Variants in RHCE observed in about 807,000 individuals in gnomAD.
RHCE encodes blood group Rh(CE) polypeptide.
Under a neutral mutation model 43.8 loss-of-function variants are expected in RHCE, and 22 were observed. The observed-to-expected ratio is 0.50, with a 90% CI of 0.36 to 0.72. RHCE has a LOEUF of 0.72. Ranked by LOEUF, RHCE falls within the 30% of genes least tolerant of loss-of-function variation. The pLI, the probability that RHCE is intolerant of heterozygous loss-of-function variation, is 0.00. For missense variants in RHCE, 385 were observed against 525.4 expected (o/e 0.73, Z 2.61); for synonymous variants, 156 against 210.7 (o/e 0.74, Z 2.25).
intron 1 of RHCE, among the ~76,000 whole-genome samples, chr1:25,414,245 AGCTGC>A (rs1371136176): frequency 3.3e-5 from 5 of 151,932 alleles, no homozygotes; most frequent in Admixed American, 3.3e-4. Context: ...CCCCTTGGGC[AGCTGC>A]CTCCTCCGGT....
chr1:25,388,179 C>G (rs1421616888), intron 6 of RHCE, among the ~76,000 whole-genome samples: 2 of 143,302 alleles, frequency 1.4e-5, no homozygotes, highest in Non-Finnish European at 3.0e-5. Context: ...CTTCGAAAAT[C>G]TACTCCTTTT....
chr1:25,391,547 T>A (rs115710923), intron 4 of RHCE, among the ~76,000 whole-genome samples: 1 of 151,906 alleles, frequency 6.6e-6, no homozygotes, highest in Non-Finnish European at 1.5e-5. Flanking sequence ...CGTGGCCTGA[T>A]AGTCCTTTGC....
In RHCE at chr1:25,407,814, T is replaced by C. The variant is rs947879499; in HGVS notation, c.335+869A>G. Among the ~76,000 whole-genome samples, 10 of 123,458 alleles carry C rather than the reference T, an allele frequency of 8.1e-5. 2 individuals are homozygous for C. The highest frequency in any genetic ancestry group is 2.5e-4 in the African/African-American group (10 of 39,870). 81.0% of individuals were successfully genotyped at this position (123,458 alleles called of 152,430 possible). A position where few individuals can be genotyped will look rare whatever the true frequency, so the allele number is the denominator to read the frequency against. On this transcript the variant is annotated intron_variant, in intron 2 of 9. Coordinates refer to ENST00000294413, the MANE Select transcript of RHCE (RefSeq NM_020485.8). ...CTATTTTGTGTTCCTTCCTAATCAA[T>C]ATCCACCTCCTGCCCAGGTAACCAC...
intron 5 of RHCE, 152 bp from the exon 6 acceptor site, chr1:25,389,265 C>T (rs1236693084): frequency 8.6e-5 from 118 of 1,371,080 alleles, no homozygotes; most frequent in Middle Eastern, 5.0e-4. Flanking sequence ...GTTGGGGCTA[C>T]GTGTCCTTCA....
At chr1:25,384,055 T>TA (rs1173895345) in intron 7 of RHCE, among the ~76,000 whole-genome samples, 1 of 151,260 alleles carries the variant, frequency 6.6e-6, no homozygotes, top group African/African-American at 2.4e-5. Context: ...CATGGACTGA[T>TA]AGGTCCCACC....
At position 25,390,906 on chromosome 1, in the gene RHCE, A is replaced by T; in HGVS notation, c.644T>A (p.Phe215Tyr). Residue 215 changes from phenylalanine (F) to tyrosine (Y), a missense_variant, in exon 5 of 10, where the codon TTC (phenylalanine) becomes TAC (tyrosine). By Grantham distance (22) the Phe-to-Tyr change is conservative. Coordinates refer to ENST00000294413, the MANE Select transcript of RHCE (RefSeq NM_020485.8). ...PSLSAMLGAL[F>Y]LWMFWPSVNS... Reference sequence around the variant, plus strand: ...GACACTTGGCCAGAACATCCACAAGAAGAGGGCGCCTGGGGGCCAGAGAGG... The same window carrying T: ...GACACTTGGCCAGAACATCCACAAGTAGAGGGCGCCTGGGGGCCAGAGAGG... 6.2e-7 allele frequency: 1 copy of T among 1,614,168 alleles called. No individual in the cohort carries two copies. Among genetic ancestry groups the T allele is most frequent in the Non-Finnish European group, 8.5e-7 (1 of 1,180,026 alleles).
intron 1 of RHCE, chr1:25,411,383 T>G: frequency 6.4e-7 from 1 of 1,550,514 alleles, no homozygotes. Context: ...AATGAGAAGC[T>G]CTCATTACTG....
intron 7 of RHCE, among the ~76,000 whole-genome samples, chr1:25,377,032 C>G (rs1383638669): frequency 6.6e-6 from 1 of 152,128 alleles, no homozygotes; most frequent in Non-Finnish European, 1.5e-5. Flanking sequence ...CAGCCATCCC[C>G]CCTTCCGTGT....
chr1:25,403,372 A>G (rs1401262406), intron 2 of RHCE, among the ~76,000 whole-genome samples: 1 of 151,992 alleles, frequency 6.6e-6, no homozygotes, highest in African/African-American at 2.4e-5. Flanking sequence ...TGGGGATGTG[A>G]AGGAGTATTC....
rs555038790 is a variant in RHCE at position 25,411,560 on chromosome 1, C to T, written c.149-2691G>A. ...GGATATAGGAGACCCCCAAGGACCT[C>T]CACGGGACCTGGGGATTTGGGGCGT... On this transcript the variant is annotated intron_variant, in intron 1 of 9. Transcript: ENST00000294413. The T allele has an allele frequency of 6.8e-4, 809 of 1,185,294 alleles. No individual in the cohort carries two copies. The Middle Eastern group carries it at 7.6e-3, about 11-fold the overall frequency. The allele number at this position is 1,185,294 out of a possible 1,614,324, so 73.4% of individuals were successfully genotyped here. A position where few individuals can be genotyped will look rare whatever the true frequency, so the allele number is the denominator to read the frequency against.
In RHCE at chr1:25,408,238, G is replaced by C. The variant is rs558520911; in HGVS notation, c.335+445C>G. Among the ~76,000 whole-genome samples, 95 of 119,492 alleles carry C rather than the reference G, an allele frequency of 8.0e-4. 16 individuals carry two copies. Among genetic ancestry groups the C allele is most frequent in the African/African-American group, 1.7e-3 (67 of 38,342 alleles). The allele number at this position is 119,492 out of a possible 152,430, so 78.4% of individuals were successfully genotyped here. A position where few individuals can be genotyped will look rare whatever the true frequency, so the allele number is the denominator to read the frequency against. The stretch of plus-strand genomic sequence containing the variant: ...GAAGGCTGAGGTTGTGGTGTGCCGA[G>C]ATAGCGCCATTGCACTCCAGCCTGG... On this transcript the variant is annotated intron_variant, in intron 2 of 9. Coordinates refer to ENST00000294413, the MANE Select transcript of RHCE (RefSeq NM_020485.8).
chr1:25,398,819 A>T, intron 3 of RHCE: 1 of 1,120,500 alleles, frequency 8.9e-7, no homozygotes, highest in Non-Finnish European at 1.4e-6. Flanking sequence ...ATATCTCAGC[A>T]TTTCTTCAGG....
At chr1:25,382,930 G>A (rs1646045038) in intron 7 of RHCE, among the ~76,000 whole-genome samples, 1 of 152,202 alleles carries the variant, frequency 6.6e-6, no homozygotes, top group African/African-American at 2.4e-5. Flanking sequence ...AAAGAAAACT[G>A]TGTTACTAGC....
intron 3 of RHCE, among the ~76,000 whole-genome samples, chr1:25,395,661 A>G (rs187786190): frequency 7.0e-4 from 106 of 152,212 alleles, no homozygotes; most frequent in Middle Eastern, 3.4e-3. Flanking sequence ...TAATCCTTAT[A>G]TTAAGCAGAG....
chr1:25,399,155 C>T (rs200647527), intron 3 of RHCE: 43 of 1,132,174 alleles, frequency 3.8e-5, no homozygotes, highest in Non-Finnish European at 4.9e-5. Context: ...TCAACTATCA[C>T]GATGTGGGCA....
chr1:25,395,636 T>A (rs1324414358), intron 3 of RHCE, among the ~76,000 whole-genome samples: 1 of 152,078 alleles, frequency 6.6e-6, no homozygotes, highest in Non-Finnish European at 1.5e-5. Flanking sequence ...TTCCTGGGAA[T>A]CAGGGAGTTC....
intron 2 of RHCE, among the ~76,000 whole-genome samples, chr1:25,404,309 G>A (rs1646849681): frequency 6.7e-6 from 1 of 148,670 alleles, no homozygotes; most frequent in African/African-American, 2.5e-5. Context: ...ACAAATGTGA[G>A]GTTCAAATCC....
intron 3 of RHCE, among the ~76,000 whole-genome samples, 175 bp from the exon 4 acceptor site, chr1:25,392,316 C>T (rs185905828): frequency 3.4e-3 from 517 of 152,324 alleles, no homozygotes; most frequent in Non-Finnish European, 5.8e-3. Context: ...GGCTGGAGTG[C>T]AATGGCACGA....
At chr1:25,378,564 C>T (rs952225210) in intron 7 of RHCE, among the ~76,000 whole-genome samples, 4 of 152,204 alleles carry the variant, frequency 2.6e-5, no homozygotes, top group Non-Finnish European at 4.4e-5. Context: ...TTGTTTATCT[C>T]GTTTTCTTGC....
Sources: gnomAD v4.1 joint callset for allele counts (sites outside exome capture counted in the v4.1 genomes callset) on GRCh38, gnomAD v4.1.1 for gene constraint, MANE v1.5 for transcripts, NCBI Gene and HGNC (gene_info 2026-07-23, HGNC 2026-07-21) for gene names.